The following PDE1C variants were observed in gnomAD, a reference collection of about 807,000 sequenced individuals.
PDE1C encodes the protein phosphodiesterase 1C, also known as dual specificity calcium/calmodulin-dependent 3',5'-cyclic nucleotide phosphodiesterase 1C.
Under a neutral mutation model 93.1 loss-of-function variants are expected in PDE1C, and 62 were observed. That is an observed-to-expected ratio of 0.67 (90% CI 0.54 to 0.82). The LOEUF (loss-of-function observed/expected upper bound fraction) is 0.82. Ranked by LOEUF, PDE1C falls within the 40% of genes least tolerant of loss-of-function variation. PDE1C has a pLI of 0.00. For synonymous variants in PDE1C, 325 were observed against 310.1 expected (o/e 1.05, Z -0.50); for missense variants, 742 against 884.6 (o/e 0.84, Z 2.04).
the PDE1C span, among the ~76,000 whole-genome samples, chr7:31,713,756 A>G: frequency 6.6e-6 from 1 of 152,240 alleles, no homozygotes; most frequent in Non-Finnish European, 1.5e-5. Flanking sequence ...ACCATGTGGA[A>G]GCTGCCAAGG....
intron 1 of PDE1C, among the ~76,000 whole-genome samples, chr7:32,298,053 TCTCTCTCTCTCCC>T (rs1812734114): frequency 1.3e-5 from 1 of 74,948 alleles, no homozygotes; most frequent in South Asian, 5.4e-4. Flanking sequence ...TCTCTCTCTC[TCTCTCTCTCTCCC>T]CTCTCTCTCT....
At chr7:32,387,840 G>A (rs1401721626) in intron 1 of PDE1C, among the ~76,000 whole-genome samples, 1 of 119,622 alleles carries the variant, frequency 8.4e-6, no homozygotes, top group African/African-American at 3.7e-5. Context: ...GGACGGGGCG[G>A]CTGGCCGGGC....
chr7:31,885,883 G>A (rs1279736082), intron 2 of PDE1C, among the ~76,000 whole-genome samples: 3 of 152,130 alleles, frequency 2.0e-5, no homozygotes, highest in Non-Finnish European at 4.4e-5. Context: ...CATTTGTTGA[G>A]CATTAGACCC....
At chr7:32,272,367 A>G (rs1811027211) in intron 1 of PDE1C, among the ~76,000 whole-genome samples, 1 of 152,200 alleles carries the variant, frequency 6.6e-6, no homozygotes, top group Non-Finnish European at 1.5e-5. Flanking sequence ...ATGTACATAT[A>G]TATCCATTTG....
the PDE1C span, among the ~76,000 whole-genome samples, chr7:31,634,752 A>G: frequency 2.0e-5 from 3 of 152,224 alleles, no homozygotes; most frequent in Non-Finnish European, 4.4e-5. Flanking sequence ...CTGGTTTGGA[A>G]CAGGATTCAG....
chr7:32,211,071 T>G (rs181445728), intron 1 of PDE1C, among the ~76,000 whole-genome samples: 257 of 151,872 alleles, frequency 1.7e-3, no homozygotes, highest in African/African-American at 6.0e-3. Flanking sequence ...TAGCCGGGCG[T>G]GGTGGTGGGC....
intron 3 of PDE1C, among the ~76,000 whole-genome samples, chr7:32,153,873 T>A (rs2128792526): frequency 6.6e-6 from 1 of 152,256 alleles, no homozygotes; most frequent in East Asian, 1.9e-4. Context: ...CTCTCTGCCT[T>A]TTTCTCTCTC....
At chr7:32,217,594 TGA>T (rs1484541565) in intron 1 of PDE1C, among the ~76,000 whole-genome samples, 1 of 152,188 alleles carries the variant, frequency 6.6e-6, no homozygotes, top group Non-Finnish European at 1.5e-5. Flanking sequence ...ATGCCAAGAC[TGA>T]GCTTAGCAAG....
chr7:32,249,639 T>C (rs1029957300), intron 1 of PDE1C, among the ~76,000 whole-genome samples: 4 of 152,218 alleles, frequency 2.6e-5, no homozygotes, highest in African/African-American at 9.6e-5. Context: ...TTGGACTGAT[T>C]TAAAACTTTT....
At chr7:31,907,760 T>A (rs919344028) in intron 2 of PDE1C, among the ~76,000 whole-genome samples, 1 of 152,152 alleles carries the variant, frequency 6.6e-6, no homozygotes, top group Non-Finnish European at 1.5e-5. Flanking sequence ...ATCTCGTATA[T>A]GAAGCCATTC....
the PDE1C span, among the ~76,000 whole-genome samples, chr7:31,712,522 A>G: frequency 2.6e-4 from 40 of 152,248 alleles, no homozygotes; most frequent in African/African-American, 8.9e-4. Context: ...CTCCCTAAAA[A>G]CAGTTCCCTG....
At chr7:32,313,849 A>G (rs544218572) in intron 1 of PDE1C, among the ~76,000 whole-genome samples, 1 of 152,152 alleles carries the variant, frequency 6.6e-6, no homozygotes, top group African/African-American at 2.4e-5. Context: ...GCACATGTAT[A>G]TGTATGTAAC....
chr7:32,348,029 T>C (rs1005962150), intron 1 of PDE1C, among the ~76,000 whole-genome samples: 1 of 152,168 alleles, frequency 6.6e-6, no homozygotes, highest in Non-Finnish European at 1.5e-5. Flanking sequence ...CTAAGATAGA[T>C]TATTACATCT....
chr7:31,626,904 CAAAT>C, the PDE1C span, among the ~76,000 whole-genome samples: 1 of 152,196 alleles, frequency 6.6e-6, no homozygotes, highest in South Asian at 2.1e-4. Context: ...GTGGGATAAA[CAAAT>C]AAATATAGCA....
chr7:31,746,367 G>T (rs551538166), downstream of PDE1C, among the ~76,000 whole-genome samples: 1 of 152,282 alleles, frequency 6.6e-6, no homozygotes, highest in East Asian at 1.9e-4. Context: ...AAATATAGAC[G>T]TCAGGGAGAA....
chr7:32,232,372 G>A (rs1220010872), intron 1 of PDE1C, among the ~76,000 whole-genome samples: 3 of 152,112 alleles, frequency 2.0e-5, no homozygotes, highest in Non-Finnish European at 4.4e-5. Flanking sequence ...TTAGCACCTA[G>A]CAGACTGCAA....
At chr7:31,645,593 A>G in the PDE1C span, among the ~76,000 whole-genome samples, 254 of 152,110 alleles carry the variant, frequency 1.7e-3, 2 homozygotes, top group African/African-American at 5.9e-3. Context: ...CACCATAACC[A>G]TCATCACCAC....
the PDE1C span, among the ~76,000 whole-genome samples, chr7:31,675,295 C>T: frequency 2.0e-5 from 3 of 152,118 alleles, no homozygotes; most frequent in Non-Finnish European, 4.4e-5. Flanking sequence ...TACCTTCTTC[C>T]AGATTTGTGC....
At chr7:31,731,483 C>A in the PDE1C span, among the ~76,000 whole-genome samples, 8 of 152,130 alleles carry the variant, frequency 5.3e-5, no homozygotes, top group African/African-American at 1.2e-4. Flanking sequence ...CTCCGCCTCC[C>A]CGGTTCAAAT....
Sources: gnomAD v4.1 joint callset for allele counts (sites outside exome capture counted in the v4.1 genomes callset) on GRCh38, gnomAD v4.1.1 for gene constraint, MANE v1.5 for transcripts, NCBI Gene and HGNC (gene_info 2026-07-23, HGNC 2026-07-21) for gene names.